The following DNAH5 variants were observed in gnomAD, a reference collection of about 807,000 sequenced individuals.
DNAH5 encodes axonemal beta dynein heavy chain 5.
DNAH5 carries 372 observed loss-of-function variants against 518.2 expected under a neutral mutation model. The observed-to-expected ratio is 0.72, with a 90% CI of 0.66 to 0.78. DNAH5 has a LOEUF of 0.78. Among genes scored for constraint, DNAH5 ranks in the 30% least tolerant of loss-of-function variants. The probability of loss-of-function intolerance (pLI) is 0.00; values close to 1 mark genes in which losing one functional copy is unlikely to be tolerated. For synonymous variants in DNAH5, 2,039 were observed against 2,025.9 expected, an observed-to-expected ratio of 1.01 and a Z score of -0.17; for missense variants, 5,523 against 5,687.0, an observed-to-expected ratio of 0.97 and a Z score of 0.93.
chr5:13,982,980 A>T (rs1255276060), intron 1 of DNAH5, among the ~76,000 whole-genome samples: 1 of 152,236 alleles, frequency 6.6e-6, no homozygotes, highest in Non-Finnish European at 1.5e-5. Flanking sequence ...TATCTGGTAG[A>T]TTAGGCAGCC....
intron 17 of DNAH5, among the ~76,000 whole-genome samples, chr5:13,888,567 G>A (rs990499965): frequency 6.6e-6 from 1 of 152,172 alleles, no homozygotes; most frequent in Non-Finnish European, 1.5e-5. Flanking sequence ...CAAGAGAAAT[G>A]ATTTACTAAT....
Position 14,003,646 on chromosome 5 carries a change from A to C in DNAH5, c.12+8002T>G, listed in dbSNP as rs1034372589. Among the ~76,000 whole-genome samples the C allele has an allele frequency of 3.9e-5, 6 of 152,206 alleles. No homozygotes were observed. In the South Asian group the frequency reaches 1.2e-3, roughly 32 times the overall value. ...CTTCCCATTGAGAGGTGGGGTCTCC[A>C]CTTCTCAATGCAGAGTGGAGGAGAG... On this transcript the variant is annotated intron_variant, in intron 1 of 78. Transcript: ENST00000681290.
Position 13,716,505 on chromosome 5 carries a change from G to T in DNAH5, c.12891C>A (p.Asn4297Lys). 8.7e-6 allele frequency: 14 copies of T among 1,613,158 alleles called. No individual in the cohort carries two copies. The highest frequency in any genetic ancestry group is 1.2e-5 in the Non-Finnish European group (14 of 1,179,196). The change falls in exon 74 of 79, where the codon AAC (asparagine) becomes AAA (lysine). Residue 4297 changes from asparagine (N) to lysine (K), a missense_variant. Coordinates refer to ENST00000265104, the MANE Select transcript of DNAH5 (RefSeq NM_001369.3). ...YNIPKCSTVDNYLQYIQSLPA... is the reference protein window; with the variant it reads ...YNIPKCSTVDKYLQYIQSLPA... ...GACAAACCTGGATATACTGAAGATA[G>T]TTATCCACTGTGCTGCATTTTGGAA...
rs114870085 is a variant in DNAH5 at position 13,985,950 on chromosome 5, G to C, written c.12+25698C>G. 1.9e-3 allele frequency among the ~76,000 whole-genome samples: 289 copies of C among 152,272 alleles called. 2 individuals carry two copies. The highest frequency in any genetic ancestry group is 6.2e-3 in the African/African-American group (257 of 41,554). On this transcript the variant is annotated intron_variant, in intron 1 of 78. Coordinates refer to the DNAH5 transcript ENST00000681290. ...CGGGATTTTTTCAGATGGGCATTTT[G>C]GTTTCATCAGCCCTGCTTTCTCCCG...
chr5:13,739,018 C>T (rs1748005231), intron 65 of DNAH5, among the ~76,000 whole-genome samples: 1 of 152,020 alleles, frequency 6.6e-6, no homozygotes, highest in African/African-American at 2.4e-5. Context: ...AGGTGACAAA[C>T]AGCAAAATCA....
chr5:13,850,727 A>G lies in DNAH5; in HGVS notation c.5039T>C (p.Val1680Ala). The change falls in exon 31 of 79, where the codon GTT becomes GCT. Residue 1680 changes from valine (V) to alanine (A), a missense_variant. Transcript: ENST00000265104. ...CAGCTGCCCCAGGGTCTCATCTCCA[A>G]CACAGCACTGGACTACACTGGGCAC... is the stretch of plus-strand genomic sequence containing the variant. ...HEVPSVVQCC[V>A]GDETLGQLLP... 6.2e-7 allele frequency: 1 copy of G among 1,614,038 alleles called. No individual in the cohort carries two copies. The highest frequency in any genetic ancestry group is 1.3e-5 in the African/African-American group (1 of 75,036).
chr5:13,829,774 C>A (rs1350530866), intron 37 of DNAH5, 70 bp from the exon 38 acceptor site: 4 of 1,442,538 alleles, frequency 2.8e-6, no homozygotes, highest in South Asian at 1.2e-5. Flanking sequence ...TTAAAAGATT[C>A]ATTATGTACA....
chr5:13,809,151 A>G lies in DNAH5; in HGVS notation c.7645T>C (p.Tyr2549His), dbSNP rs1760175986. ...GGGGTGGTATCAGACGGATACAGGT[A>G]TTCCTGGGTACGCGTGTTCCAGTGC... ...WTHWNTRTQE[Y>H]LYPSDTTPEY... Residue 2549 changes from tyrosine (Y) to histidine (H), a missense_variant, in exon 46 of 79, where the codon TAC becomes CAC. Physicochemically the swap from Tyr to His is moderately conservative, Grantham distance 83. This residue lies in a region of DNAH5 where 5,121 missense variants were observed against 5,223.3 expected (regional missense o/e 0.98). Transcript: ENST00000265104. 6.2e-7 allele frequency: 1 copy of G among 1,614,188 alleles called. No homozygotes were observed. Among genetic ancestry groups the G allele is most frequent in the Non-Finnish European group, 8.5e-7 (1 of 1,180,020 alleles).
intron 61 of DNAH5, 34 bp from the exon 62 acceptor site, chr5:13,754,372 C>A: frequency 6.2e-7 from 1 of 1,613,680 alleles, no homozygotes; most frequent in Non-Finnish European, 8.5e-7. Flanking sequence ...AAAGCTTTTA[C>A]TGAAATAAAC....
intron 1 of DNAH5, among the ~76,000 whole-genome samples, chr5:14,006,492 G>C (rs1784732306): frequency 6.6e-6 from 1 of 152,048 alleles, no homozygotes; most frequent in South Asian, 2.1e-4. Context: ...CTTCTCACTG[G>C]ATCTTCACAT....
In DNAH5 at chr5:13,866,232, A is replaced by T. The variant is rs775914213; in HGVS notation, c.4104T>A (p.Leu1368=). Reference sequence around the variant, plus strand: ...CTAAAAAGATTACCTGAAACATGATAAGCCTGTCACTGGCTTCCTGGGGCT... The same window carrying T: ...CTAAAAAGATTACCTGAAACATGATTAGCCTGTCACTGGCTTCCTGGGGCT... ...GLKPQEASDR[L]IMFQNQFDNI... Residue 1368 remains leucine (L), a synonymous_variant, in exon 26 of 79, where the codon CTT becomes CTA. Transcript: ENST00000265104. 7.4e-6 allele frequency: 12 copies of T among 1,613,620 alleles called. No individual in the cohort carries two copies. In the South Asian group the frequency reaches 1.2e-4, roughly 16 times the overall value.
At chr5:13,834,926 G>T (rs920885955) in intron 35 of DNAH5, among the ~76,000 whole-genome samples, 1 of 152,228 alleles carries the variant, frequency 6.6e-6, no homozygotes, top group African/African-American at 2.4e-5. Context: ...TCTGGTGTCT[G>T]AACTGAGAAC....
chr5:13,883,978 T>G (rs961428907), intron 19 of DNAH5, among the ~76,000 whole-genome samples: 1 of 152,178 alleles, frequency 6.6e-6, no homozygotes, highest in Non-Finnish European at 1.5e-5. Flanking sequence ...ATCCTATTAT[T>G]TCAGTTTTCA....
chr5:13,824,802 C>T (rs921264366), intron 38 of DNAH5, among the ~76,000 whole-genome samples: 3 of 152,054 alleles, frequency 2.0e-5, no homozygotes, highest in Non-Finnish European at 4.4e-5. Flanking sequence ...AAAAAAAGCA[C>T]CTGCGCTTCA....
At chr5:13,734,690 C>G (rs201503008) in intron 68 of DNAH5, among the ~76,000 whole-genome samples, 2 of 152,100 alleles carry the variant, frequency 1.3e-5, no homozygotes, top group East Asian at 3.9e-4. Flanking sequence ...TGCCCACCTA[C>G]CGATCTCTTA....
In DNAH5 at chr5:13,844,965, G is replaced by A. The variant is rs866319812; in HGVS notation, c.5143C>T (p.Pro1715Ser). 1 of 1,614,066 alleles carries A rather than the reference G, an allele frequency of 6.2e-7. No individual in the cohort carries two copies. The highest frequency in any genetic ancestry group is 8.5e-7 in the Non-Finnish European group (1 of 1,179,988). ...GYLEKKRLCF[P>S]RFFFVSDPAL... is the part of the protein sequence containing the mutation. Reference sequence around the variant, plus strand: ...GGATCTGAGACGAAGAAAAACCGAGGAAAGCACAGTCGTTTTTTCTCCAAG... The same window carrying A: ...GGATCTGAGACGAAGAAAAACCGAGAAAAGCACAGTCGTTTTTTCTCCAAG... Residue 1715 changes from proline to serine, a missense_variant, in exon 32 of 79, where the codon CCT becomes TCT. By Grantham distance (74) the Pro-to-Ser change is moderately conservative (BLOSUM62 -1). Coordinates refer to ENST00000265104, the MANE Select transcript of DNAH5 (RefSeq NM_001369.3).
upstream of DNAH5, among the ~76,000 whole-genome samples, chr5:13,945,097 C>T (rs185081648): frequency 6.6e-6 from 1 of 152,344 alleles, no homozygotes; most frequent in Non-Finnish European, 1.5e-5. Flanking sequence ...ATGCAAATAG[C>T]AAACCATGTC....
intron 12 of DNAH5, among the ~76,000 whole-genome samples, chr5:13,906,634 A>T (rs1025547557): frequency 2.0e-5 from 3 of 152,212 alleles, no homozygotes; most frequent in African/African-American, 7.2e-5. Context: ...AAAGTATTCC[A>T]TGTTCTCACA....
Position 13,885,951 on chromosome 5 carries a change from C to T in DNAH5, c.2743+13G>A. The T allele has an allele frequency of 6.2e-7, 1 of 1,610,054 alleles. No homozygotes were observed. The highest frequency in any genetic ancestry group is 8.5e-7 in the Non-Finnish European group (1 of 1,178,076). The stretch of plus-strand genomic sequence containing the variant: ...ATAGAAAAACAAGACCCTTTCATTA[C>T]CCCATCTCTTACCTGAACTTTCATT... On this transcript the variant is annotated intron_variant, in intron 18 of 78. Coordinates refer to ENST00000265104, the MANE Select transcript of DNAH5 (RefSeq NM_001369.3).
Sources: allele counts gnomAD v4.1 joint callset (sites outside exome capture counted in the v4.1 genomes callset), GRCh38; gene constraint gnomAD v4.1.1; regional missense constraint gnomAD v4.1.1; transcripts MANE v1.5; gene names NCBI Gene and HGNC (gene_info 2026-07-23, HGNC 2026-07-21).